The following DBX2 variants were observed in gnomAD, a reference collection of about 807,000 sequenced individuals.
DBX2 encodes the protein developing brain homeobox 2, also known as homeobox protein DBX2.
A neutral mutation model predicts 17.7 loss-of-function variants in DBX2; 16 were observed. That is an observed-to-expected ratio of 0.90 (90% CI 0.61 to 1.37). The LOEUF (loss-of-function observed/expected upper bound fraction) is 1.37, where lower values mean the gene tolerates loss of function less well. DBX2 is among the 40% of genes most tolerant of loss of function. The pLI, the probability that DBX2 is intolerant of heterozygous loss-of-function variation, is 0.00. For synonymous variants in DBX2, 255 were observed against 183.8 expected, an observed-to-expected ratio of 1.39 and a Z score of -3.13; for missense variants, 538 against 433.8, an observed-to-expected ratio of 1.24 and a Z score of -2.13.
Position 45,014,859 on chromosome 12 carries a change from G to A in DBX2, c.*1427C>T, listed in dbSNP as rs963981005. 1 of 152,110 alleles carries A rather than the reference G, an allele frequency of 6.6e-6. No homozygotes were observed. The highest frequency in any genetic ancestry group is 2.1e-4 in the South Asian group (1 of 4,826). 9.4% of individuals were successfully genotyped at this position (152,110 alleles called of 1,614,324 possible). A position where few individuals can be genotyped will look rare whatever the true frequency, so the allele number is the denominator to read the frequency against. On this transcript the variant is annotated 3_prime_UTR_variant, in exon 4 of 4. Transcript: ENST00000332700. ...TAATTTCCTGCTGTTGATTAAAACC[G>A]TTATCTCCTGAAATATCTTTTCTAA...
intron 2 of DBX2, among the ~76,000 whole-genome samples, chr12:45,031,886 T>C (rs1320017295): frequency 6.6e-6 from 1 of 152,194 alleles, no homozygotes; most frequent in African/African-American, 2.4e-5. Flanking sequence ...CTTCACTTTT[T>C]TTTTGGAAAC....
At chr12:45,050,088 G>A (rs1173248348) in intron 1 of DBX2, among the ~76,000 whole-genome samples, 1 of 152,142 alleles carries the variant, frequency 6.6e-6, no homozygotes. Flanking sequence ...CCCAAGTTGG[G>A]CCGCGCAAAG....
chr12:45,049,072 G>C (rs1946515303), intron 1 of DBX2, among the ~76,000 whole-genome samples: 1 of 152,152 alleles, frequency 6.6e-6, no homozygotes, highest in Non-Finnish European at 1.5e-5. Context: ...AACTGCACTT[G>C]ATTTGCATTT....
chr12:45,045,112 A>C (rs558592974), intron 1 of DBX2, among the ~76,000 whole-genome samples: 3 of 152,188 alleles, frequency 2.0e-5, no homozygotes, highest in Admixed American at 6.5e-5. Flanking sequence ...CCTAGATAAA[A>C]ATCATATTGT....
At chr12:45,043,396 G>A (rs550603367) in intron 1 of DBX2, among the ~76,000 whole-genome samples, 1 of 152,164 alleles carries the variant, frequency 6.6e-6, no homozygotes, top group South Asian at 2.1e-4. Context: ...ACCTAGTATT[G>A]GAAGTATCAG....
Position 45,050,753 on chromosome 12 carries a change from G to T in DBX2, c.175C>A (p.Pro59Thr), listed in dbSNP as rs1020862088. The T allele has an allele frequency of 2.7e-6, 4 of 1,502,250 alleles. No individual in the cohort carries two copies. The highest frequency in any genetic ancestry group is 8.9e-7 in the Non-Finnish European group (1 of 1,126,770). The allele number at this position is 1,502,250 out of a possible 1,614,324, so 93.1% of individuals were successfully genotyped here. A position where few individuals can be genotyped will look rare whatever the true frequency, so the allele number is the denominator to read the frequency against. ...APTPRLQPPA[P>T]HDPATALATA... ...GCCAGGGCGGTCGCCGGGTCGTGGG[G>T]CGCGGGCGGCTGCAGCCTGGGCGTT... Residue 59 changes from proline (P) to threonine (T), a missense_variant, in exon 1 of 4, where the codon CCC becomes ACC. Physicochemically the swap from Pro to Thr is conservative, Grantham distance 38. Transcript: ENST00000332700.
chr12:45,044,106 AG>A (rs140161839), intron 1 of DBX2, among the ~76,000 whole-genome samples: 41,523 of 152,188 alleles, frequency 0.27, 7,224 homozygotes, highest in Non-Finnish European at 0.39. Context: ...AAAGCAAGAT[AG>A]TAAATACTTT....
chr12:45,018,158 C>A (rs192075968), intron 3 of DBX2, among the ~76,000 whole-genome samples: 2 of 152,246 alleles, frequency 1.3e-5, no homozygotes, highest in South Asian at 2.1e-4. Context: ...TTCATTAACT[C>A]ATTTATTGTT....
At chr12:45,031,367 G>A (rs186008882) in intron 2 of DBX2, among the ~76,000 whole-genome samples, 8 of 151,982 alleles carry the variant, frequency 5.3e-5, no homozygotes, top group Non-Finnish European at 1.5e-5. Flanking sequence ...CTTGTATGTG[G>A]GGGTGCCACA....
intron 1 of DBX2, among the ~76,000 whole-genome samples, chr12:45,047,719 C>T (rs759135015): frequency 5.3e-5 from 8 of 152,112 alleles, no homozygotes; most frequent in Non-Finnish European, 4.4e-5. Context: ...AATTGGTGAT[C>T]CAATTGGCCC....
At chr12:45,034,467 T>C (rs1455632668) in intron 2 of DBX2, among the ~76,000 whole-genome samples, 3 of 152,232 alleles carry the variant, frequency 2.0e-5, no homozygotes, top group Non-Finnish European at 4.4e-5. Flanking sequence ...GAGACCACCT[T>C]GAAGGAGCGA....
chr12:45,020,543 C>T (rs1946346074), intron 3 of DBX2, among the ~76,000 whole-genome samples: 1 of 149,898 alleles, frequency 6.7e-6, no homozygotes, highest in Admixed American at 6.8e-5. Context: ...GGAGGGGATA[C>T]CTGGGGGATC....
intron 1 of DBX2, among the ~76,000 whole-genome samples, chr12:45,040,935 A>G (rs749786161): frequency 8.6e-5 from 13 of 151,958 alleles, no homozygotes; most frequent in Non-Finnish European, 1.8e-4. Flanking sequence ...GAAGAATACT[A>G]AAGACCACTA....
intron 3 of DBX2, among the ~76,000 whole-genome samples, chr12:45,018,347 A>G (rs1177749689): frequency 1.3e-5 from 2 of 152,296 alleles, no homozygotes; most frequent in East Asian, 3.9e-4. Flanking sequence ...CAAAGAAAAA[A>G]TACATAAAAG....
chr12:45,031,225 T>TGTGTGTGTGA (rs1377897653), intron 2 of DBX2, among the ~76,000 whole-genome samples: 1,278 of 85,590 alleles, frequency 0.015, 22 homozygotes, highest in African/African-American at 0.033. Flanking sequence ...TGTGTGTGTG[T>TGTGTGTGTGA]GAGAGAGAGA....
chr12:45,018,681 T>C (rs746472707), intron 3 of DBX2, among the ~76,000 whole-genome samples: 6 of 152,044 alleles, frequency 3.9e-5, no homozygotes, highest in Non-Finnish European at 8.8e-5. Flanking sequence ...ATCTAAATGA[T>C]ATTTGTACAC....
chr12:45,035,982 A>G, intron 2 of DBX2, 37 bp downstream of exon 2: 3 of 1,581,070 alleles, frequency 1.9e-6, no homozygotes, highest in Non-Finnish European at 2.6e-6. Context: ...GGTTTACAGA[A>G]TAACTGAGGC....
chr12:45,023,768 TTC>T lies in DBX2; in HGVS notation c.624_625del (p.Lys209IlefsTer117). 6.2e-7 allele frequency: 1 copy of T among 1,614,186 alleles called. No homozygotes were observed. The highest frequency in any genetic ancestry group is 8.5e-7 in the Non-Finnish European group (1 of 1,180,038). On this transcript the variant is annotated frameshift_variant, in exon 3 of 4. Transcript: ENST00000332700. LOFTEE classifies it high-confidence loss of function. ...CTTTCGGTCTGTTTTGCTGATATAT[TTC>T]TGTTTCTGAAACATTTTCTCCAGAG...
chr12:45,020,208 C>T (rs1946344570), intron 3 of DBX2, among the ~76,000 whole-genome samples: 1 of 152,040 alleles, frequency 6.6e-6, no homozygotes, highest in South Asian at 2.1e-4. Context: ...TCCCTGTTTC[C>T]CCCAGCCCTA....
Sources: gnomAD v4.1 joint callset for allele counts (sites outside exome capture counted in the v4.1 genomes callset) on GRCh38, gnomAD v4.1.1 for gene constraint, MANE v1.5 for transcripts, NCBI Gene and HGNC (gene_info 2026-07-23, HGNC 2026-07-21) for gene names.